Variants in KIF5C observed in about 807,000 individuals in gnomAD.
KIF5C encodes the protein kinesin heavy chain isoform 5C.
Under a neutral mutation model 125.2 loss-of-function variants are expected in KIF5C, and 18 were observed. The ratio of observed to expected loss-of-function variants is 0.14; its 90% CI spans 0.10 to 0.21. The LOEUF (loss-of-function observed/expected upper bound fraction) is 0.21. Among genes scored for constraint, KIF5C ranks in the 10% least tolerant of loss-of-function variants. The pLI, the probability that KIF5C is intolerant of heterozygous loss-of-function variation, is 1.00. For missense variants in KIF5C, 780 were observed against 1,183.8 expected (o/e 0.66, Z 5.01); for synonymous variants, 405 against 434.0 (o/e 0.93, Z 0.83).
In KIF5C at chr2:148,950,480, GGACCCA is replaced by G; in HGVS notation, c.968+19_968+24del. 6.2e-7 allele frequency: 1 copy of G among 1,609,644 alleles called. No homozygotes were observed. Among genetic ancestry groups the G allele is most frequent in the Non-Finnish European group, 8.5e-7 (1 of 1,177,592 alleles). ...GGACAGAGGTACGTGTGGTCTCTCA[GGACCCA>G]TCCTCTGTGCTAGGTCTTGGGTCTT... On this transcript the variant is annotated intron_variant, in intron 10 of 25. Transcript: ENST00000435030.
At chr2:148,966,164 A>G (rs745411979) in intron 11 of KIF5C, among the ~76,000 whole-genome samples, 1 of 152,020 alleles carries the variant, frequency 6.6e-6, no homozygotes, top group Non-Finnish European at 1.5e-5. Flanking sequence ...TCCCCTCAAC[A>G]TTTCCTGGGT....
At chr2:148,977,107 T>C (rs1402907171) in intron 12 of KIF5C, among the ~76,000 whole-genome samples, 1 of 152,236 alleles carries the variant, frequency 6.6e-6, no homozygotes, top group Admixed American at 6.5e-5. Context: ...ATTCCTTAGA[T>C]AAGTTGCCTT....
At chr2:148,907,843 C>T (rs1488275242) in intron 1 of KIF5C, among the ~76,000 whole-genome samples, 2 of 152,158 alleles carry the variant, frequency 1.3e-5, no homozygotes, top group Admixed American at 6.5e-5. Flanking sequence ...AAGTGGTTAG[C>T]GACCCGGGAC....
At chr2:148,880,417 G>A (rs958236375) in intron 1 of KIF5C, among the ~76,000 whole-genome samples, 12 of 152,208 alleles carry the variant, frequency 7.9e-5, no homozygotes, top group Non-Finnish European at 1.0e-4. Context: ...CACCATGCTC[G>A]GCTTGTTTCC....
At chr2:148,986,708 C>G (rs979542810) in intron 15 of KIF5C, among the ~76,000 whole-genome samples, 1 of 152,156 alleles carries the variant, frequency 6.6e-6, no homozygotes, top group Non-Finnish European at 1.5e-5. Context: ...CAAGGTCCCT[C>G]CTGGTAGGGC....
intron 1 of KIF5C, among the ~76,000 whole-genome samples, chr2:148,892,055 A>G (rs4972269): frequency 0.77 from 117,697 of 152,146 alleles, 49,284 homozygotes; most frequent in East Asian, 0.98. Context: ...CCCTCTTGCC[A>G]TTCTGCAAAT....
intron 1 of KIF5C, among the ~76,000 whole-genome samples, chr2:148,882,753 C>G (rs961183717): frequency 5.9e-5 from 9 of 152,182 alleles, no homozygotes; most frequent in African/African-American, 1.4e-4. Flanking sequence ...CCCTGTCTCC[C>G]CATTCTGCCA....
chr2:149,005,548 T>C (rs1210462598), intron 22 of KIF5C, 84 bp downstream of exon 22: 1 of 1,558,454 alleles, frequency 6.4e-7, no homozygotes, highest in Admixed American at 1.9e-5. Context: ...TATCACTTGC[T>C]TAAGTCGGGG....
At chr2:148,982,422 C>G (rs1401230615) in intron 14 of KIF5C, among the ~76,000 whole-genome samples, 1 of 152,234 alleles carries the variant, frequency 6.6e-6, no homozygotes, top group African/African-American at 2.4e-5. Flanking sequence ...GGCCTGGTGT[C>G]CTGGGCTTGT....
At chr2:148,930,918 C>T (rs1256221137) in intron 3 of KIF5C, among the ~76,000 whole-genome samples, 1 of 152,108 alleles carries the variant, frequency 6.6e-6, no homozygotes, top group Non-Finnish European at 1.5e-5. Flanking sequence ...TGTCCCGGCC[C>T]CTCGCCTTTC....
At chr2:148,889,199 A>G (rs1681638806) in intron 1 of KIF5C, among the ~76,000 whole-genome samples, 1 of 152,224 alleles carries the variant, frequency 6.6e-6, no homozygotes, top group Non-Finnish European at 1.5e-5. Context: ...TGAGTGTCCC[A>G]TCTGGTGGTT....
chr2:148,899,751 C>T (rs1470527338), intron 1 of KIF5C, among the ~76,000 whole-genome samples: 1 of 151,520 alleles, frequency 6.6e-6, no homozygotes, highest in Non-Finnish European at 1.5e-5. Flanking sequence ...ATTACTACTC[C>T]TCAGTTACCA....
intron 1 of KIF5C, among the ~76,000 whole-genome samples, chr2:148,914,961 G>T (rs1490967495): frequency 6.6e-6 from 1 of 152,220 alleles, no homozygotes; most frequent in African/African-American, 2.4e-5. Flanking sequence ...CCTGGAGAGG[G>T]TATAATGGTG....
At chr2:148,923,823 CTT>C (rs1681887135) in intron 2 of KIF5C, among the ~76,000 whole-genome samples, 1 of 152,192 alleles carries the variant, frequency 6.6e-6, no homozygotes, top group South Asian at 2.1e-4. Flanking sequence ...TAGTAATACT[CTT>C]TGAGTCTTTA....
chr2:148,942,845 C>T (rs554938145), intron 7 of KIF5C, 85 bp downstream of exon 7: 4 of 1,549,474 alleles, frequency 2.6e-6, no homozygotes, highest in Non-Finnish European at 3.5e-6. Flanking sequence ...GAATTAGGTA[C>T]AAATGAAAGA....
At chr2:148,942,393 T>G (rs1208387501) in intron 6 of KIF5C, among the ~76,000 whole-genome samples, 1 of 152,206 alleles carries the variant, frequency 6.6e-6, no homozygotes, top group African/African-American at 2.4e-5. Flanking sequence ...ATTTTCTGTC[T>G]TCTTAAAGTG....
intron 1 of KIF5C, among the ~76,000 whole-genome samples, chr2:148,886,505 G>C (rs566110148): frequency 1.3e-3 from 192 of 152,176 alleles, no homozygotes; most frequent in Admixed American, 2.4e-3. Context: ...GTATTGGGAT[G>C]ACAGGTTTGG....
intron 3 of KIF5C, among the ~76,000 whole-genome samples, chr2:148,930,158 C>T (rs1682140879): frequency 6.6e-6 from 1 of 152,128 alleles, no homozygotes; most frequent in South Asian, 2.1e-4. Context: ...GGGGTGAAGA[C>T]GAACTTATAT....
At chr2:148,942,831 T>C (rs1279401170) in intron 7 of KIF5C, 71 bp downstream of exon 7, 11 of 1,557,204 alleles carry the variant, frequency 7.1e-6, no homozygotes, top group Non-Finnish European at 9.6e-6. Flanking sequence ...CCGAGGGGGG[T>C]GGGGAATTAG....
Sources: allele counts gnomAD v4.1 joint callset (sites outside exome capture counted in the v4.1 genomes callset), GRCh38; gene constraint gnomAD v4.1.1; transcripts MANE v1.5; gene names NCBI Gene and HGNC (gene_info 2026-07-23, HGNC 2026-07-21).